The following SENP6 variants were observed in gnomAD, a reference collection of about 807,000 sequenced individuals.
SENP6 encodes SUMO specific peptidase 6.
In SENP6, 41 loss-of-function variants were observed where a neutral mutation model predicts 134.5. The ratio of observed to expected loss-of-function variants is 0.30; its 90% CI spans 0.24 to 0.40. SENP6 has a LOEUF of 0.40. Among genes scored for constraint, SENP6 ranks in the 10% least tolerant of loss-of-function variants. The pLI is 1.00. For missense variants in SENP6, 1,248 were observed against 1,312.5 expected, an observed-to-expected ratio of 0.95 and a Z score of 0.76; for synonymous variants, 395 against 429.8, an observed-to-expected ratio of 0.92 and a Z score of 1.00.
chr6:75,678,525 T>A, intron 14 of SENP6, 58 bp from the exon 15 acceptor site: 4 of 865,156 alleles, frequency 4.6e-6, no homozygotes, highest in Non-Finnish European at 7.6e-6. Context: ...GTGCTTACCC[T>A]TTTTATTGAA....
Position 75,688,071 on chromosome 6 carries a change from G to T in SENP6, c.2076-7733G>T, listed in dbSNP as rs550374709. Among the ~76,000 whole-genome samples, 24 of 152,304 alleles carry T rather than the reference G, an allele frequency of 1.6e-4. 1 individual carries two copies. Among genetic ancestry groups the T allele is most frequent in the African/African-American group, 5.8e-4 (24 of 41,578 alleles). On this transcript the variant is annotated intron_variant, in intron 16 of 23. Transcript: ENST00000447266. ...TCCACCCAGTTTGAGCTTCCTGGCC[G>T]CTTTGTTTACCTACTCAAGCCTCAG...
chr6:75,618,652 T>C (rs1768032188), intron 1 of SENP6, among the ~76,000 whole-genome samples: 2 of 152,214 alleles, frequency 1.3e-5, no homozygotes, highest in African/African-American at 4.8e-5. Context: ...GCTCTAGCTC[T>C]CTATACTAAC....
At chr6:75,663,830 G>T (rs1181157712) in intron 9 of SENP6, among the ~76,000 whole-genome samples, 28 of 147,394 alleles carry the variant, frequency 1.9e-4, no homozygotes, top group Admixed American at 7.4e-4. Flanking sequence ...GTGGGGGGGG[G>T]GGTGCCTAAA....
At chr6:75,698,872 G>A (rs761380539) in intron 18 of SENP6, among the ~76,000 whole-genome samples, 3 of 151,896 alleles carry the variant, frequency 2.0e-5, no homozygotes, top group East Asian at 1.9e-4. Flanking sequence ...TTAGCTGGGC[G>A]TGGTGGTGCG....
At chr6:75,695,488 G>A (rs556315595) in intron 16 of SENP6, among the ~76,000 whole-genome samples, 2 of 152,346 alleles carry the variant, frequency 1.3e-5, no homozygotes, top group East Asian at 1.9e-4. Flanking sequence ...TGTAATCCCA[G>A]CACTTTGGGA....
At chr6:75,636,737 C>T (rs1225079896) in intron 5 of SENP6, among the ~76,000 whole-genome samples, 3 of 152,094 alleles carry the variant, frequency 2.0e-5, no homozygotes, top group African/African-American at 4.8e-5. Flanking sequence ...GTAGGAATCA[C>T]GTCTTCAAAG....
chr6:75,715,668 C>T lies in SENP6; in HGVS notation c.*74C>T. On this transcript the variant is annotated 3_prime_UTR_variant, in exon 24 of 24. Coordinates refer to ENST00000447266, the MANE Select transcript of SENP6 (RefSeq NM_015571.4). ...AAATTTGGGTATAGACAATAAAGAA[C>T]TGAAGTGCTCACTACTCAGTGATTT... is the stretch of plus-strand genomic sequence containing the variant. The T allele has an allele frequency of 9.4e-7, 1 of 1,069,308 alleles. No individual in the cohort carries two copies. The highest frequency in any genetic ancestry group is 1.4e-6 in the Non-Finnish European group (1 of 724,562). The allele number at this position is 1,069,308 out of a possible 1,614,324, so 66.2% of individuals were successfully genotyped here. A position where few individuals can be genotyped will look rare whatever the true frequency, so the allele number is the denominator to read the frequency against.
intron 11 of SENP6, among the ~76,000 whole-genome samples, chr6:75,674,425 G>A (rs571017704): frequency 6.6e-6 from 1 of 152,038 alleles, no homozygotes; most frequent in Non-Finnish European, 1.5e-5. Context: ...GGGTTCAAGC[G>A]ATTCTCCTGC....
intron 5 of SENP6, among the ~76,000 whole-genome samples, chr6:75,638,236 T>C (rs1232015265): frequency 5.8e-5 from 6 of 102,666 alleles, no homozygotes; most frequent in Non-Finnish European, 9.7e-5. Flanking sequence ...TTTTCCCTTT[T>C]CTTTTGTTTT....
intron 1 of SENP6, among the ~76,000 whole-genome samples, chr6:75,604,526 G>A (rs1347423052): frequency 1.3e-5 from 2 of 151,814 alleles, no homozygotes; most frequent in Non-Finnish European, 2.9e-5. Context: ...CAGCTACTGC[G>A]GAGGCTGAGG....
intron 19 of SENP6, among the ~76,000 whole-genome samples, chr6:75,708,241 T>C (rs1775533450): frequency 6.6e-6 from 1 of 152,166 alleles, no homozygotes; most frequent in African/African-American, 2.4e-5. Flanking sequence ...TTTGTATTTT[T>C]AGTAGAGACA....
intron 11 of SENP6, among the ~76,000 whole-genome samples, chr6:75,674,032 T>C (rs1772886981): frequency 6.6e-6 from 1 of 151,708 alleles, no homozygotes; most frequent in Non-Finnish European, 1.5e-5. Flanking sequence ...AATAAATAAA[T>C]GAATGAGTGA....
At chr6:75,711,451 A>G (rs1775739828) in intron 21 of SENP6, 35 bp downstream of exon 21, 1 of 1,348,488 alleles carries the variant, frequency 7.4e-7, no homozygotes, top group Non-Finnish European at 1.0e-6. Flanking sequence ...AAACTACATA[A>G]TTTTTAAGTA....
intron 7 of SENP6, among the ~76,000 whole-genome samples, chr6:75,648,655 A>G (rs918709875): frequency 9.2e-5 from 14 of 152,274 alleles, no homozygotes; most frequent in African/African-American, 3.4e-4. Flanking sequence ...TACTTTACAT[A>G]CTAAGCATAG....
rs1008720248 is a variant in SENP6 at position 75,685,492 on chromosome 6, A to G, written c.2075+6565A>G. Among the ~76,000 whole-genome samples, 4 of 152,002 alleles carry G rather than the reference A, an allele frequency of 2.6e-5. No individual in the cohort carries two copies. In the East Asian group the frequency reaches 7.7e-4, roughly 29 times the overall value. On this transcript the variant is annotated intron_variant, in intron 16 of 23. Coordinates refer to ENST00000447266, the MANE Select transcript of SENP6 (RefSeq NM_015571.4). ...TGTGATGTTAGGGTGTCAATTTTAGATCTTTCCTGCTTTCTCTTGTGGGCA... is the reference window on the plus strand; with the variant it reads ...TGTGATGTTAGGGTGTCAATTTTAGGTCTTTCCTGCTTTCTCTTGTGGGCA...
intron 20 of SENP6, among the ~76,000 whole-genome samples, chr6:75,711,114 C>T (rs754406686): frequency 6.6e-6 from 1 of 152,054 alleles, no homozygotes; most frequent in Non-Finnish European, 1.5e-5. Context: ...TTGTTATAAA[C>T]CTCTGGTAGT....
At chr6:75,699,010 C>CA (rs1219073253) in intron 18 of SENP6, among the ~76,000 whole-genome samples, 2,636 of 89,802 alleles carry the variant, frequency 0.029, 92 homozygotes, top group African/African-American at 0.098. Context: ...GACTCCATCT[C>CA]AAAAAAAAAA....
chr6:75,640,549 A>T (rs1014686132), intron 5 of SENP6, 135 bp from the exon 6 acceptor site: 3 of 357,320 alleles, frequency 8.4e-6, no homozygotes, highest in Non-Finnish European at 1.5e-5. Flanking sequence ...ATAGTATATT[A>T]TATATATATA....
At chr6:75,617,383 C>T (rs1416908646) in intron 1 of SENP6, among the ~76,000 whole-genome samples, 1 of 145,116 alleles carries the variant, frequency 6.9e-6, no homozygotes, top group Non-Finnish European at 1.5e-5. Context: ...AAGTGATTCT[C>T]CTGCTTCAGC....
Sources: allele counts gnomAD v4.1 joint callset (sites outside exome capture counted in the v4.1 genomes callset), GRCh38; gene constraint gnomAD v4.1.1; transcripts MANE v1.5; gene names NCBI Gene and HGNC (gene_info 2026-07-23, HGNC 2026-07-21).